POLR2F: variants seen among roughly 807,000 people sequenced by gnomAD.
POLR2F encodes the protein RNA polymerase II, I and III subunit F, also known as DNA-directed RNA polymerases I, II, and III subunit RPABC2.
POLR2F carries 12 observed loss-of-function variants against 22.7 expected under a neutral mutation model. That is an observed-to-expected ratio of 0.53 (90% CI 0.34 to 0.86). The LOEUF is 0.86. Ranked by LOEUF, POLR2F falls within the 40% of genes least tolerant of loss-of-function variation. The pLI is 0.02. For synonymous variants in POLR2F, 57 were observed against 66.0 expected (o/e 0.86, Z 0.66); for missense variants, 126 against 171.5 (o/e 0.73, Z 1.48).
At chr22:37,961,988 T>C (rs1931661821) in intron 3 of POLR2F, among the ~76,000 whole-genome samples, 1 of 152,070 alleles carries the variant, frequency 6.6e-6, no homozygotes, top group South Asian at 2.1e-4. Flanking sequence ...CCCAGCACTT[T>C]GGGAGGACGA....
At chr22:37,983,032 T>C (rs1932449195), upstream of POLR2F, among the ~76,000 whole-genome samples, 1 of 152,252 alleles carries the variant, frequency 6.6e-6, no homozygotes, top group Non-Finnish European at 1.5e-5. This position sits in a 1 kb window ranked among gnomAD's most constrained non-coding sequence, Gnocchi z 9.5. Flanking sequence ...TGTGCGTATC[T>C]GTGGGCAGGA....
intron 1 of POLR2F, among the ~76,000 whole-genome samples, chr22:38,002,976 C>T (rs1202591704): frequency 2.6e-5 from 4 of 152,092 alleles, no homozygotes; most frequent in Admixed American, 6.6e-5. Flanking sequence ...CTGCTTGCCT[C>T]GGCCTCTCAA....
At chr22:38,027,160 A>G (rs2085020707), downstream of POLR2F, among the ~76,000 whole-genome samples, 1 of 152,142 alleles carries the variant, frequency 6.6e-6, no homozygotes, top group Admixed American at 6.5e-5. Context: ...TCGTTAGCGT[A>G]TGGGGGATAC....
At chr22:38,022,509 T>TGC (rs2084968264) in intron 1 of POLR2F, among the ~76,000 whole-genome samples, 1 of 133,928 alleles carries the variant, frequency 7.5e-6, no homozygotes, top group East Asian at 2.2e-4. Context: ...CGAGATTGCG[T>TGC]CACTGCACTC....
At chr22:37,994,225 T>C (rs1322130619) in intron 1 of POLR2F, among the ~76,000 whole-genome samples, 1 of 152,154 alleles carries the variant, frequency 6.6e-6, no homozygotes, top group Admixed American at 6.5e-5. Context: ...TGTGTTCACA[T>C]GTCAGGGGCT....
chr22:37,953,856 A>T (rs771897584), intron 1 of POLR2F, 49 bp downstream of exon 1: 2 of 1,594,040 alleles, frequency 1.3e-6, no homozygotes, highest in Admixed American at 1.8e-5. Context: ...GAAGGGGCGG[A>T]TGAGGCAAGG....
chr22:38,004,139 C>T (rs573801718), intron 1 of POLR2F, among the ~76,000 whole-genome samples: 20 of 151,156 alleles, frequency 1.3e-4, no homozygotes, highest in Admixed American at 8.6e-4. Context: ...CAGGAATGCA[C>T]CTCTGTGTCT....
chr22:37,956,714 GC>G, intron 1 of POLR2F, 58 bp from the exon 2 acceptor site: 1 of 1,339,884 alleles, frequency 7.5e-7, no homozygotes. Context: ...ACCGTGCCTG[GC>G]CCCTCTTTGA....
intron 1 of POLR2F, among the ~76,000 whole-genome samples, chr22:38,011,462 CTTT>C (rs76830973): frequency 1.0e-4 from 14 of 137,312 alleles, no homozygotes; most frequent in African/African-American, 2.4e-4. Flanking sequence ...GGTTATGGTT[CTTT>C]TTTTTTTTTT....
chr22:37,973,300 G>A, downstream of POLR2F: 1 of 566,164 alleles, frequency 1.8e-6, no homozygotes, highest in Non-Finnish European at 3.1e-6. Flanking sequence ...TTCTCCTGGG[G>A]CTTTGCTGCT....
chr22:38,025,369 C>T (rs952622704), intron 1 of POLR2F, among the ~76,000 whole-genome samples: 3 of 152,148 alleles, frequency 2.0e-5, no homozygotes, highest in African/African-American at 7.2e-5. Flanking sequence ...CACACACACA[C>T]GCACAGTCAT....
At chr22:37,999,616 C>G (rs1056684604) in intron 1 of POLR2F, among the ~76,000 whole-genome samples, 9 of 152,138 alleles carry the variant, frequency 5.9e-5, no homozygotes, top group Non-Finnish European at 1.0e-4. Flanking sequence ...AGGCTGGCCA[C>G]CGAGCCGAAA....
At position 38,006,217 on chromosome 22, in the gene POLR2F, T is replaced by TA. The variant is rs778244520; in HGVS notation, c.121-19642dup. On this transcript the variant is annotated intron_variant, in intron 1 of 2. Transcript: ENST00000333418. ...AGTGAGACCCCATCTCTAAAAAAAT[T>TA]AAAAAAAAAATGGTTTGCTCTTCAC... 7.0e-3 allele frequency among the ~76,000 whole-genome samples: 1,050 copies of TA among 149,438 alleles called. 8 individuals carry two copies. Among genetic ancestry groups the TA allele is most frequent in the Non-Finnish European group, 7.7e-3 (520 of 67,128 alleles).
chr22:38,019,769 C>G (rs2084944414), intron 1 of POLR2F, among the ~76,000 whole-genome samples: 1 of 152,202 alleles, frequency 6.6e-6, no homozygotes, highest in Non-Finnish European at 1.5e-5. Context: ...TCTCCCAGCA[C>G]TTTGGGAGAT....
chr22:38,004,996 T>C (rs912171997), intron 1 of POLR2F, among the ~76,000 whole-genome samples: 3 of 152,002 alleles, frequency 2.0e-5, no homozygotes, highest in African/African-American at 7.3e-5. Flanking sequence ...GCTGGCAAAT[T>C]AGAAAATATA....
intron 1 of POLR2F, among the ~76,000 whole-genome samples, chr22:38,007,080 A>G (rs1050210820): frequency 6.6e-6 from 1 of 152,170 alleles, no homozygotes; most frequent in Non-Finnish European, 1.5e-5. Context: ...AGATGTGGCT[A>G]AGGTTGCCTG....
intron 1 of POLR2F, among the ~76,000 whole-genome samples, chr22:38,002,672 A>G (rs769497583): frequency 7.9e-5 from 12 of 152,070 alleles, no homozygotes; most frequent in Non-Finnish European, 1.5e-4. Flanking sequence ...TTTGGGTGCA[A>G]CCTTACAGAG....
At chr22:37,994,441 G>A (rs184173999) in intron 1 of POLR2F, among the ~76,000 whole-genome samples, 36 of 152,264 alleles carry the variant, frequency 2.4e-4, no homozygotes, top group African/African-American at 8.7e-4. Context: ...TCTACTTCCC[G>A]GGCTTAATCG....
At chr22:37,975,340 G>A (rs892561546) in intron 4 of POLR2F, among the ~76,000 whole-genome samples, 6 of 152,142 alleles carry the variant, frequency 3.9e-5, no homozygotes, top group Non-Finnish European at 8.8e-5. Flanking sequence ...GAGTCCACCC[G>A]CTGCCTCAGG....
Sources: allele counts gnomAD v4.1 joint callset (sites outside exome capture counted in the v4.1 genomes callset), GRCh38; gene constraint gnomAD v4.1.1; non-coding constraint Gnocchi (gnomAD v3.1); transcripts MANE v1.5; gene names NCBI Gene and HGNC (gene_info 2026-07-23, HGNC 2026-07-21).